ZNG1A: variants seen among roughly 807,000 people sequenced by gnomAD.
ZNG1A encodes the protein zinc-regulated GTPase metalloprotein activator 1A.
At chr9:159,405 T>C in the ZNG1A span, among the ~76,000 whole-genome samples, 1 of 151,776 alleles carries the variant, frequency 6.6e-6, no homozygotes, top group African/African-American at 2.4e-5. Flanking sequence ...TATACTTGAA[T>C]CTGCTAAAAC....
At chr9:174,633 T>C in the ZNG1A span, among the ~76,000 whole-genome samples, 1 of 150,450 alleles carries the variant, frequency 6.6e-6, no homozygotes, top group Non-Finnish European at 1.5e-5. Context: ...CTTTTCTCTT[T>C]CGTTTATTAA....
chr9:155,487 TATAA>T, the ZNG1A span, among the ~76,000 whole-genome samples: 1 of 152,074 alleles, frequency 6.6e-6, no homozygotes, highest in African/African-American at 2.4e-5. Context: ...TCTTTATCAC[TATAA>T]ATATACTGTA....
the ZNG1A span, among the ~76,000 whole-genome samples, chr9:159,652 C>G: frequency 1.3e-5 from 2 of 150,874 alleles, no homozygotes; most frequent in Non-Finnish European, 3.0e-5. Flanking sequence ...TATAGGGTGT[C>G]CTTTTCTGCA....
the ZNG1A span, chr9:177,730 C>T: frequency 6.5e-7 from 1 of 1,527,834 alleles, no homozygotes; most frequent in Admixed American, 2.0e-5. Context: ...TACCAGTGAG[C>T]AATACGGGAA....
the ZNG1A span, among the ~76,000 whole-genome samples, chr9:178,490 G>A: frequency 9.1e-6 from 1 of 109,692 alleles, no homozygotes; most frequent in African/African-American, 2.7e-5. Flanking sequence ...TTTCAGGTGA[G>A]GTAGATGAGC....
At chr9:126,768 G>A in the ZNG1A span, among the ~76,000 whole-genome samples, 1 of 151,546 alleles carries the variant, frequency 6.6e-6, no homozygotes, top group East Asian at 1.9e-4. Context: ...CTAGTTCCTT[G>A]AGGTGTGACC....
chr9:165,578 T>C, the ZNG1A span, among the ~76,000 whole-genome samples: 1,761 of 131,794 alleles, frequency 0.013, 176 homozygotes, highest in African/African-American at 0.055. Context: ...TGGCAATGTC[T>C]GAAGATGTTT....
chr9:142,093 G>T, the ZNG1A span, among the ~76,000 whole-genome samples: 2 of 145,452 alleles, frequency 1.4e-5, no homozygotes, highest in African/African-American at 5.3e-5. Flanking sequence ...AATAATAATG[G>T]GAGACTTTAA....
At chr9:145,699 A>G in the ZNG1A span, among the ~76,000 whole-genome samples, 1 of 151,914 alleles carries the variant, frequency 6.6e-6, no homozygotes, top group South Asian at 2.1e-4. Context: ...AAAGTATAAT[A>G]ATAAATAAAT....
At chr9:124,581 T>C in the ZNG1A span, among the ~76,000 whole-genome samples, 5 of 97,200 alleles carry the variant, frequency 5.1e-5, no homozygotes, top group South Asian at 1.2e-3. Context: ...TTTCTTTCCA[T>C]AGGTTACTGG....
the ZNG1A span, among the ~76,000 whole-genome samples, chr9:177,033 T>C: frequency 6.6e-6 from 1 of 152,112 alleles, no homozygotes; most frequent in African/African-American, 2.4e-5. Context: ...GGGTGACATA[T>C]TCAATAGGAG....
chr9:161,631 T>C, the ZNG1A span: 1 of 1,285,968 alleles, frequency 7.8e-7, no homozygotes, highest in African/African-American at 1.5e-5. Context: ...ATTTCATTCT[T>C]TTCTGCCTTT....
chr9:169,748 A>C, the ZNG1A span, among the ~76,000 whole-genome samples: 1 of 150,522 alleles, frequency 6.6e-6, no homozygotes, highest in Non-Finnish European at 1.5e-5. Flanking sequence ...GAAAGCTGAG[A>C]TGATTGTTAG....
chr9:170,210 C>T, the ZNG1A span, among the ~76,000 whole-genome samples: 1 of 150,682 alleles, frequency 6.6e-6, no homozygotes, highest in African/African-American at 2.5e-5. Flanking sequence ...GATTCCGATT[C>T]AGTAGATCTG....
chr9:155,747 T>C, the ZNG1A span, among the ~76,000 whole-genome samples: 2 of 152,010 alleles, frequency 1.3e-5, no homozygotes, highest in African/African-American at 4.8e-5. Flanking sequence ...TTGGCTATTT[T>C]CTATTTGGCT....
chr9:141,739 A>G, the ZNG1A span, among the ~76,000 whole-genome samples: 1 of 151,702 alleles, frequency 6.6e-6, no homozygotes, highest in South Asian at 2.1e-4. Context: ...TAAAAGACAC[A>G]GACTGGCAAA....
chr9:126,983 G>T, the ZNG1A span, among the ~76,000 whole-genome samples: 16 of 152,038 alleles, frequency 1.1e-4, no homozygotes, highest in African/African-American at 3.6e-4. Flanking sequence ...GTATCGGCAT[G>T]GTTTTGAAGG....
the ZNG1A span, chr9:167,453 AAGTAAT>A: frequency 6.7e-6 from 1 of 150,062 alleles, no homozygotes; most frequent in African/African-American, 2.5e-5. Context: ...GTAATCCTTC[AAGTAAT>A]ATAAAAACAA....
chr9:126,803 C>A, the ZNG1A span, among the ~76,000 whole-genome samples: 1 of 151,968 alleles, frequency 6.6e-6, no homozygotes, highest in East Asian at 1.9e-4. Context: ...CTCTTTCCGA[C>A]TTTTTGATGG....
Sources: allele counts gnomAD v4.1 joint callset (sites outside exome capture counted in the v4.1 genomes callset), GRCh38; gene constraint gnomAD v4.1.1; transcripts MANE v1.5; gene names NCBI Gene and HGNC (gene_info 2026-07-23, HGNC 2026-07-21).